Variants in TMEM263 observed in about 807,000 individuals in gnomAD.
TMEM263 encodes the protein UPF0444 transmembrane protein C12orf23.
TMEM263 carries 5 observed loss-of-function variants against 8.6 expected under a neutral mutation model. That is an observed-to-expected ratio of 0.58 (90% CI 0.31 to 1.23). The LOEUF is 1.23. TMEM263 is among the 50% of genes most tolerant of loss of function. The pLI is 0.07. For missense variants in TMEM263, 104 were observed against 138.8 expected, an observed-to-expected ratio of 0.75 and a Z score of 1.26; for synonymous variants, 50 against 47.9, an observed-to-expected ratio of 1.04 and a Z score of -0.18.
At chr12:106,966,322 T>G (rs1057075315) in intron 2 of TMEM263, among the ~76,000 whole-genome samples, 1 of 152,252 alleles carries the variant, frequency 6.6e-6, no homozygotes, top group Non-Finnish European at 1.5e-5. Context: ...CATGATCTCA[T>G]TCTTTTTTAT....
Position 106,971,689 on chromosome 12 carries a change from G to A in TMEM263, c.*298G>A, listed in dbSNP as rs1951923729. 4.1e-6 allele frequency: 1 copy of A among 245,806 alleles called. No homozygotes were observed. The highest frequency in any genetic ancestry group is 7.8e-6 in the Non-Finnish European group (1 of 128,936). 15.2% of individuals were successfully genotyped at this position (245,806 alleles called of 1,614,324 possible). Reference sequence around the variant, plus strand: ...TAAGTCTTTCAGTTTGACTAAAAATGTGAAAGTTGAATTTAGTAGATGATC... The same window carrying A: ...TAAGTCTTTCAGTTTGACTAAAAATATGAAAGTTGAATTTAGTAGATGATC... On this transcript the variant is annotated 3_prime_UTR_variant, in exon 4 of 4. Coordinates refer to ENST00000280756, the MANE Select transcript of TMEM263 (RefSeq NM_152261.4).
At chr12:106,968,829 T>C (rs553855030) in intron 3 of TMEM263, among the ~76,000 whole-genome samples, 2 of 152,334 alleles carry the variant, frequency 1.3e-5, no homozygotes, top group Non-Finnish European at 2.9e-5. Context: ...GAGGCAGTTA[T>C]CTGTTGTAGC....
chr12:106,970,357 T>G (rs1248282866), intron 3 of TMEM263, among the ~76,000 whole-genome samples: 1 of 151,198 alleles, frequency 6.6e-6, no homozygotes, highest in East Asian at 1.9e-4. Flanking sequence ...TTAACATAAT[T>G]AAAATATTTT....
At chr12:106,968,351 G>A (rs1439608114) in intron 3 of TMEM263, among the ~76,000 whole-genome samples, 1 of 151,664 alleles carries the variant, frequency 6.6e-6, no homozygotes, top group Admixed American at 6.6e-5. Context: ...ACTTCAGCCT[G>A]GGCGACAGAG....
At chr12:106,958,370 A>G (rs1253210856) in intron 2 of TMEM263, among the ~76,000 whole-genome samples, 1 of 152,246 alleles carries the variant, frequency 6.6e-6, no homozygotes, top group Non-Finnish European at 1.5e-5. Flanking sequence ...TGATTCATCA[A>G]AGAAAACACG....
rs1214788222 is a variant in TMEM263 at position 106,971,308 on chromosome 12, G to A, written c.268G>A (p.Val90Met). Residue 90 changes from valine to methionine, a missense_variant, in exon 4 of 4, where the codon GTG becomes ATG. Coordinates refer to ENST00000280756, the MANE Select transcript of TMEM263 (RefSeq NM_152261.4). Reference sequence around the variant, plus strand: ...GCTGGTGAAAGGGGGTGTCTCTGCTGTGGCTGGAGGTGTTACAGCTGTTGG... The same window carrying A: ...GCTGGTGAAAGGGGGTGTCTCTGCTATGGCTGGAGGTGTTACAGCTGTTGG... ...IGLVKGGVSA[V>M]AGGVTAVGSA... 6.2e-7 allele frequency: 1 copy of A among 1,614,210 alleles called. No individual in the cohort carries two copies. The highest frequency in any genetic ancestry group is 8.5e-7 in the Non-Finnish European group (1 of 1,180,036).
intron 2 of TMEM263, among the ~76,000 whole-genome samples, chr12:106,957,728 G>C (rs1951719916): frequency 6.6e-6 from 1 of 152,134 alleles, no homozygotes; most frequent in South Asian, 2.1e-4. Context: ...TTCATTTAAG[G>C]ATAACCCTTA....
rs1380977323 is a variant in TMEM263 at position 106,972,279 on chromosome 12, AGTTT to A, written c.*889_*892del. ...TACTGGTCAGAAGGTATTTTGGAAG[AGTTT>A]CATATTAAGGAGGAACAAATAATAA... On this transcript the variant is annotated 3_prime_UTR_variant, in exon 4 of 4. Coordinates refer to ENST00000280756, the MANE Select transcript of TMEM263 (RefSeq NM_152261.4). 1 of 152,208 alleles carries A rather than the reference AGTTT, an allele frequency of 6.6e-6. No individual in the cohort carries two copies. The highest frequency in any genetic ancestry group is 1.5e-5 in the Non-Finnish European group (1 of 68,016). 9.4% of individuals were successfully genotyped at this position (152,208 alleles called of 1,614,324 possible).
At chr12:106,959,768 A>G (rs554635531) in intron 2 of TMEM263, among the ~76,000 whole-genome samples, 18 of 152,322 alleles carry the variant, frequency 1.2e-4, no homozygotes, top group African/African-American at 4.1e-4. Context: ...AGTTAGGCAC[A>G]TATTTGTGTG....
intron 2 of TMEM263, chr12:106,959,508 G>A (rs1022051764): frequency 6.6e-6 from 1 of 152,178 alleles, no homozygotes; most frequent in Non-Finnish European, 1.5e-5. Flanking sequence ...CTTTCAAAGT[G>A]CTGGGATTAC....
chr12:106,970,690 G>A lies in TMEM263; in HGVS notation c.65-415G>A, dbSNP rs192892557. Among the ~76,000 whole-genome samples, 37 of 152,308 alleles carry A rather than the reference G, an allele frequency of 2.4e-4. No individual in the cohort carries two copies. In the East Asian group the frequency reaches 4.2e-3, roughly 17 times the overall value. ...TACCTTGAAAACTACTGCATTTTACGAAGAAGATTGTTTCGGTAATGACTG... is the reference window on the plus strand; with the variant it reads ...TACCTTGAAAACTACTGCATTTTACAAAGAAGATTGTTTCGGTAATGACTG... On this transcript the variant is annotated intron_variant, in intron 3 of 3. Coordinates refer to ENST00000280756, the MANE Select transcript of TMEM263 (RefSeq NM_152261.4).
rs769871456 is a variant in TMEM263 at position 106,969,889 on chromosome 12, CAAAG to C, written c.65-1212_65-1209del. ...TGTGGCTCTATTTAAAAAAAAAAAA[CAAAG>C]AAAATAAACTCATGACTTAGAGCTT... On this transcript the variant is annotated intron_variant, in intron 3 of 3. Coordinates refer to ENST00000280756, the MANE Select transcript of TMEM263 (RefSeq NM_152261.4). Among the ~76,000 whole-genome samples, 47 of 148,098 alleles carry C rather than the reference CAAAG, an allele frequency of 3.2e-4. No individual in the cohort carries two copies. In the Middle Eastern group the frequency reaches 0.01, roughly 33 times the overall value.
intron 1 of TMEM263, among the ~76,000 whole-genome samples, chr12:106,956,525 G>A (rs1404822729): frequency 1.3e-5 from 2 of 152,152 alleles, no homozygotes; most frequent in African/African-American, 4.8e-5. Context: ...CACCCCCATA[G>A]CTCTTCCTGG....
rs1011632289 is a variant in TMEM263, at chr12:106,967,066, C to A, written c.-6-45C>A. 6 of 1,271,122 alleles carry A rather than the reference C, an allele frequency of 4.7e-6. No individual in the cohort carries two copies. In the Admixed American group the frequency reaches 6.0e-5, roughly 13 times the overall value. 78.7% of individuals were successfully genotyped at this position (1,271,122 alleles called of 1,614,324 possible). On this transcript the variant is annotated intron_variant, in intron 2 of 3. Transcript: ENST00000280756. ...TAGCATGTGATAAGAGGTAGTCTCACATGTTGAGGTTAAAATGAAATGTGT... is the reference window on the plus strand; with the variant it reads ...TAGCATGTGATAAGAGGTAGTCTCAAATGTTGAGGTTAAAATGAAATGTGT...
chr12:106,967,262 T>C (rs1195829598), intron 3 of TMEM263, 82 bp downstream of exon 3: 1 of 948,362 alleles, frequency 1.1e-6, no homozygotes, highest in South Asian at 1.7e-5. Flanking sequence ...ACTTATTTTA[T>C]TTTATTTTTT....
intron 2 of TMEM263, among the ~76,000 whole-genome samples, chr12:106,965,423 A>G (rs1028990133): frequency 6.6e-6 from 1 of 152,138 alleles, no homozygotes; most frequent in African/African-American, 2.4e-5. Flanking sequence ...CCTGGCCAAC[A>G]TGGTGAAACC....
intron 3 of TMEM263, among the ~76,000 whole-genome samples, chr12:106,970,495 G>A (rs1008542381): frequency 1.3e-5 from 2 of 152,188 alleles, no homozygotes; most frequent in Admixed American, 6.5e-5. Context: ...TCTTGCAGCT[G>A]CTTCTGCATT....
rs150398584 is a variant in TMEM263, at chr12:106,963,152, A to G, written c.-6-3959A>G. Among the ~76,000 whole-genome samples, 411 of 152,370 alleles carry G rather than the reference A, an allele frequency of 2.7e-3. 2 individuals are homozygous for G. The highest frequency in any genetic ancestry group is 4.8e-3 in the South Asian group (23 of 4,828). On this transcript the variant is annotated intron_variant, in intron 2 of 3. Transcript: ENST00000280756. Reference sequence around the variant, plus strand: ...AGGAACTCTGTGTTACTAGACTGGAATGAACAAGAGGTAGAATAGTGGAGA... The same window carrying G: ...AGGAACTCTGTGTTACTAGACTGGAGTGAACAAGAGGTAGAATAGTGGAGA...
At chr12:106,962,464 A>G (rs2136763641) in intron 2 of TMEM263, among the ~76,000 whole-genome samples, 1 of 152,036 alleles carries the variant, frequency 6.6e-6, no homozygotes, top group African/African-American at 2.4e-5. Flanking sequence ...TCATTTTCAG[A>G]TGTGTTTTGT....
Sources: gnomAD v4.1 joint callset for allele counts (sites outside exome capture counted in the v4.1 genomes callset) on GRCh38, gnomAD v4.1.1 for gene constraint, MANE v1.5 for transcripts, NCBI Gene and HGNC (gene_info 2026-07-23, HGNC 2026-07-21) for gene names.